BAD: variants seen among roughly 807,000 people sequenced by gnomAD.
BAD encodes BCL2 associated agonist of cell death, also known as bcl2-associated agonist of cell death.
Under a neutral mutation model 17.8 loss-of-function variants are expected in BAD, and 18 were observed. The observed-to-expected ratio is 1.01, with a 90% CI of 0.70 to 1.50. The LOEUF is 1.50. BAD is among the 40% of genes most tolerant of loss of function. BAD has a pLI of 0.00. For missense variants in BAD, 294 were observed against 239.3 expected (o/e 1.23, Z -1.51); for synonymous variants, 112 against 91.5 (o/e 1.22, Z -1.28).
chr11:64,284,628 C>A lies in BAD; in HGVS notation c.-9+3G>T. 6.6e-7 allele frequency: 1 copy of A among 1,522,768 alleles called. No individual in the cohort carries two copies. The allele number at this position is 1,522,768 out of a possible 1,614,324, so 94.3% of individuals were successfully genotyped here. On this transcript the variant is annotated splice_donor_region_variant and intron_variant, in intron 1 of 3. Coordinates refer to ENST00000309032, the MANE Select transcript of BAD (RefSeq NM_032989.3). ...GCCCGTGGTGACGGCGCACAGGTCTCACCCCAAGCCCGATCTCGAGGCCCC... is the reference window on the plus strand; with the variant it reads ...GCCCGTGGTGACGGCGCACAGGTCTAACCCCAAGCCCGATCTCGAGGCCCC...
At chr11:64,284,451 C>A in intron 1 of BAD, 75 bp from the exon 2 acceptor site, 1 of 1,600,848 alleles carries the variant, frequency 6.2e-7, no homozygotes, top group South Asian at 1.1e-5. Context: ...AGGCAGGTAC[C>A]CCTGGCTTCC....
At chr11:64,279,762 CAAAAAAAAAAAA>C (rs35718358) in intron 2 of BAD, among the ~76,000 whole-genome samples, 1 of 103,732 alleles carries the variant, frequency 9.6e-6, no homozygotes, top group African/African-American at 3.9e-5. Flanking sequence ...GACTCTATCT[CAAAAAAAAAAAA>C]AAAAAAAAAA....
chr11:64,279,760 C>A (rs1398581560), intron 2 of BAD, among the ~76,000 whole-genome samples: 4 of 50,448 alleles, frequency 7.9e-5, no homozygotes. Flanking sequence ...AAGACTCTAT[C>A]TCAAAAAAAA....
chr11:64,276,433 T>TCTCCTGC (rs2033071631), intron 2 of BAD: 2 of 153,620 alleles, frequency 1.3e-5, no homozygotes, highest in Admixed American at 1.3e-4. Context: ...TTCAAATGAT[T>TCTCCTGC]CTCCTGCCTC....
Position 64,284,646 on chromosome 11 carries a change from G to T in BAD, c.-24C>A. 1 of 1,531,320 alleles carries T rather than the reference G, an allele frequency of 6.5e-7. No individual in the cohort carries two copies. The highest frequency in any genetic ancestry group is 8.7e-7 in the Non-Finnish European group (1 of 1,144,816). 94.9% of individuals were successfully genotyped at this position (1,531,320 alleles called of 1,614,324 possible). On this transcript the variant is annotated 5_prime_UTR_variant, in exon 1 of 4. Coordinates refer to ENST00000309032, the MANE Select transcript of BAD (RefSeq NM_032989.3). ...CAGGTCTCACCCCAAGCCCGATCTC[G>T]AGGCCCCTGACCCGGGCCTGCCGCC...
intron 2 of BAD, among the ~76,000 whole-genome samples, chr11:64,277,770 G>A (rs1565348687): frequency 1.3e-5 from 2 of 152,116 alleles, no homozygotes; most frequent in African/African-American, 2.4e-5. Context: ...CTTTTCCTAA[G>A]TTAGCTGAAA....
At chr11:64,284,136 G>A (rs764551221) in intron 2 of BAD, 46 bp downstream of exon 2, 1 of 1,522,998 alleles carries the variant, frequency 6.6e-7, no homozygotes, top group African/African-American at 1.4e-5. Context: ...GAGCCAGTGG[G>A]CTGGGGGTGA....
At chr11:64,281,770 G>A (rs1007018832) in intron 2 of BAD, among the ~76,000 whole-genome samples, 2 of 152,166 alleles carry the variant, frequency 1.3e-5, no homozygotes, top group Admixed American at 1.3e-4. Flanking sequence ...CGCCAGGCTG[G>A]AGTGCAGTGG....
chr11:64,284,180 A>C lies in BAD; in HGVS notation c.187+2T>G, dbSNP rs759558076. On this transcript the variant is annotated splice_donor_variant, in intron 2 of 3. Coordinates refer to ENST00000309032, the MANE Select transcript of BAD (RefSeq NM_032989.3). LOFTEE classifies it high-confidence loss of function. Reference sequence around the variant, plus strand: ...GGCAGGTGGAGGTGGTGGGGTACTTACCTCCATGATGGCTGCTGCTGGTTG... The same window carrying C: ...GGCAGGTGGAGGTGGTGGGGTACTTCCCTCCATGATGGCTGCTGCTGGTTG... The C allele has an allele frequency of 6.3e-7, 1 of 1,588,620 alleles. No individual in the cohort carries two copies. The highest frequency in any genetic ancestry group is 8.6e-7 in the Non-Finnish European group (1 of 1,167,460).
chr11:64,274,543 C>T (rs1181418198), intron 2 of BAD, among the ~76,000 whole-genome samples: 1 of 151,920 alleles, frequency 6.6e-6, no homozygotes, highest in Non-Finnish European at 1.5e-5. Context: ...CAAAAAAAGG[C>T]CAGGTGTGGT....
At chr11:64,280,502 C>T (rs2033391887) in intron 2 of BAD, among the ~76,000 whole-genome samples, 1 of 148,036 alleles carries the variant, frequency 6.8e-6, no homozygotes, top group Non-Finnish European at 1.5e-5. Context: ...TAGGCACCCA[C>T]CACCACGCCC....
At chr11:64,284,691 T>C (rs755069330), upstream of BAD, 32 of 1,535,372 alleles carry the variant, frequency 2.1e-5, no homozygotes, top group Non-Finnish European at 2.7e-5. Flanking sequence ...CACCCCGGGC[T>C]CCGGGCCCTA....
Position 64,271,802 on chromosome 11 carries a change from G to T in BAD, c.189C>A (p.Gly63=), listed in dbSNP as rs754351648. Residue 63 remains glycine (G), a splice_region_variant and synonymous_variant, in exon 3 of 4, where the codon GGC becomes GGA. Coordinates refer to ENST00000309032, the MANE Select transcript of BAD (RefSeq NM_032989.3). ...GACTCCGGATCTCCACAGCCCCAGC[G>T]CCTGCAGAGGGTCAGTGGGTAGGGG... ...EQPTSSSHHG[G]AGAVEIRSRH... The T allele has an allele frequency of 4.3e-6, 6 of 1,400,470 alleles. No individual in the cohort carries two copies. Among genetic ancestry groups the T allele is most frequent in the Non-Finnish European group, 5.6e-6 (6 of 1,075,756 alleles). 86.8% of individuals were successfully genotyped at this position (1,400,470 alleles called of 1,614,324 possible).
Position 64,270,337 on chromosome 11 carries a change from T to G in BAD, c.379A>C (p.Lys127Gln). The G allele has an allele frequency of 5.8e-6, 9 of 1,549,680 alleles. No homozygotes were observed. Among genetic ancestry groups the G allele is most frequent in the Non-Finnish European group, 7.0e-6 (8 of 1,144,322 alleles). ...MSDEFVDSFKKGLPRPKSAGT... is the reference protein window; with the variant it reads ...MSDEFVDSFKQGLPRPKSAGT... The stretch of plus-strand genomic sequence containing the variant: ...GCGCTCTTCGGGCGAGGAAGTCCCT[T>G]CTGGTGGAGGGAGAAAAGGGTTACA... Residue 127 changes from lysine to glutamine, a missense_variant and splice_region_variant, in exon 4 of 4, where the codon AAG (lysine) becomes CAG (glutamine). By Grantham distance (53) the Lys-to-Gln change is moderately conservative. Coordinates refer to ENST00000309032, the MANE Select transcript of BAD (RefSeq NM_032989.3).
chr11:64,270,207 G>A lies in BAD; in HGVS notation c.*2C>T, dbSNP rs59283629. On this transcript the variant is annotated 3_prime_UTR_variant, in exon 4 of 4. Transcript: ENST00000309032. ...GTGGAGTTTCGGGATGTGGAGCGAA[G>A]GTCACTGGGAGGGGGCGGAGCTTCC... The A allele has an allele frequency of 2.0e-3, 3,152 of 1,613,908 alleles. 96 individuals carry two copies. The East Asian group carries it at 0.063, about 32-fold the overall frequency.
chr11:64,273,749 G>T (rs2032820072), intron 2 of BAD, among the ~76,000 whole-genome samples: 1 of 150,536 alleles, frequency 6.6e-6, no homozygotes, highest in African/African-American at 2.4e-5. Flanking sequence ...AGGCGCGGTG[G>T]CAGGCACCTG....
chr11:64,269,872 C>T lies in BAD; in HGVS notation c.*337G>A, dbSNP rs1243299312. ...CTTTATTAACATTTGGTAGTGAGCA[C>T]GGCCCCCAGGGCATCGCGGGGGCTC... On this transcript the variant is annotated 3_prime_UTR_variant, in exon 4 of 4. Transcript: ENST00000309032. 4 of 698,536 alleles carry T rather than the reference C, an allele frequency of 5.7e-6. No homozygotes were observed. Among genetic ancestry groups the T allele is most frequent in the Non-Finnish European group, 1.0e-5 (4 of 384,204 alleles). The allele number at this position is 698,536 out of a possible 1,614,324, so 43.3% of individuals were successfully genotyped here.
rs2032972090 is a variant in BAD, at chr11:64,275,244, A to AGCACCTTGGGGG, written c.188-3442_188-3441insCCCCCAAGGTGC. On this transcript the variant is annotated intron_variant, in intron 2 of 3. Transcript: ENST00000309032. ...CGTGGCGGCTCATGCCTATAATCCC[A>AGCACCTTGGGGG]GCACCTTGGGAGGCTGAAGGATTTC... is the stretch of plus-strand genomic sequence containing the variant. 3.3e-5 allele frequency among the ~76,000 whole-genome samples: 5 copies of AGCACCTTGGGGG among 152,078 alleles called. No individual in the cohort carries two copies. In the South Asian group the frequency reaches 1.0e-3, roughly 32 times the overall value.
At chr11:64,283,123 G>A (rs1355338042) in intron 2 of BAD, among the ~76,000 whole-genome samples, 1 of 152,144 alleles carries the variant, frequency 6.6e-6, no homozygotes, top group Non-Finnish European at 1.5e-5. Context: ...ATCGAGTGTG[G>A]GTGTTTATCC....
Sources: gnomAD v4.1 joint callset for allele counts (sites outside exome capture counted in the v4.1 genomes callset) on GRCh38, gnomAD v4.1.1 for gene constraint, MANE v1.5 for transcripts, NCBI Gene and HGNC (gene_info 2026-07-23, HGNC 2026-07-21) for gene names.